Variants in METTL2A observed in about 807,000 individuals in gnomAD.
METTL2A encodes tRNA N(3)-cytidine methyltransferase METTL2A.
A neutral mutation model predicts 49.4 loss-of-function variants in METTL2A; 45 were observed. That is an observed-to-expected ratio of 0.91 (90% CI 0.72 to 1.17). The LOEUF is 1.17. Ranked by LOEUF, METTL2A falls within the 50% of genes most tolerant of loss-of-function variation. The probability of loss-of-function intolerance (pLI) is 0.00; values close to 1 mark genes in which losing one functional copy is unlikely to be tolerated. For missense variants in METTL2A, 361 were observed against 462.2 expected (o/e 0.78, Z 2.01); for synonymous variants, 118 against 167.5 (o/e 0.70, Z 2.28).
intron 3 of METTL2A, among the ~76,000 whole-genome samples, chr17:62,427,435 C>T (rs1420226276): frequency 2.6e-5 from 4 of 152,194 alleles, no homozygotes; most frequent in African/African-American, 9.7e-5. Context: ...CCTTTTCATA[C>T]ATTTTTCAGC....
chr17:62,425,921 A>C, intron 2 of METTL2A, among the ~76,000 whole-genome samples: 1 of 151,448 alleles, frequency 6.6e-6, no homozygotes, highest in African/African-American at 2.4e-5. Flanking sequence ...GAATGGCATG[A>C]ACCCGGGAGG....
At chr17:62,429,851 A>G (rs2070652942) in intron 4 of METTL2A, among the ~76,000 whole-genome samples, 1 of 152,070 alleles carries the variant, frequency 6.6e-6, no homozygotes. Context: ...TTGTATTTTT[A>G]GTAGAGATGG....
Position 62,426,457 on chromosome 17 carries a change from A to C in METTL2A, c.361A>C (p.Ser121Arg), listed in dbSNP as rs2070627474. ...GAAGGACTGGTTCTTGGAGAACAAGAGTGAAGTACCTGAATGTAGAAACAA... is the reference window on the plus strand; with the variant it reads ...GAAGGACTGGTTCTTGGAGAACAAGCGTGAAGTACCTGAATGTAGAAACAA... ...HLKDWFLENK[S>R]EVPECRNNED... is the part of the protein sequence containing the mutation. The change falls in exon 3 of 9, where the codon AGT (serine) becomes CGT (arginine). Residue 121 changes from serine (S) to arginine (R), a missense_variant. By Grantham distance (110) the Ser-to-Arg change is moderately radical. This residue lies in a region of METTL2A where 150 missense variants were observed against 170.1 expected (regional missense o/e 0.88). Coordinates refer to ENST00000311506, the MANE Select transcript of METTL2A (RefSeq NM_181725.4). 1 of 1,614,016 alleles carries C rather than the reference A, an allele frequency of 6.2e-7. No homozygotes were observed. The highest frequency in any genetic ancestry group is 1.3e-5 in the African/African-American group (1 of 74,920).
intron 7 of METTL2A, among the ~76,000 whole-genome samples, chr17:62,447,184 C>T (rs1364236745): frequency 6.6e-6 from 1 of 152,048 alleles, no homozygotes; most frequent in Admixed American, 6.6e-5. Flanking sequence ...TTTGGGAGGC[C>T]ACGGTGGGTG....
At chr17:62,448,272 C>T (rs2070781960) in intron 8 of METTL2A, among the ~76,000 whole-genome samples, 1 of 152,146 alleles carries the variant, frequency 6.6e-6, no homozygotes, top group Non-Finnish European at 1.5e-5. Flanking sequence ...AACCACTTTC[C>T]TAAAACAATT....
chr17:62,439,040 G>A (rs576647902), intron 5 of METTL2A, among the ~76,000 whole-genome samples: 2 of 146,292 alleles, frequency 1.4e-5, no homozygotes, highest in South Asian at 2.2e-4. Context: ...GTGCAGTGGC[G>A]TGATCTTGGC....
In METTL2A at chr17:62,449,080, T is replaced by G. The variant is rs1158468809; in HGVS notation, c.*351T>G. On this transcript the variant is annotated 3_prime_UTR_variant, in exon 9 of 9. Transcript: ENST00000311506. The stretch of plus-strand genomic sequence containing the variant: ...AACATAATTTTCTCAAGTTCTTTCT[T>G]TGAGATCTCAATCTGTCTTAGCATT... The G allele has an allele frequency of 4.4e-6, 1 of 227,374 alleles. No individual in the cohort carries two copies. Among genetic ancestry groups the G allele is most frequent in the Non-Finnish European group, 8.6e-6 (1 of 115,900 alleles). 14.1% of individuals were successfully genotyped at this position (227,374 alleles called of 1,614,324 possible).
intron 5 of METTL2A, among the ~76,000 whole-genome samples, chr17:62,438,667 T>TC (rs762709038): frequency 0.033 from 5,082 of 152,150 alleles, 294 homozygotes; most frequent in African/African-American, 0.11. Context: ...TTAGAATTAT[T>TC]ATTCAGTTAA....
intron 4 of METTL2A, among the ~76,000 whole-genome samples, chr17:62,429,104 C>G (rs1191329509): frequency 2.6e-5 from 4 of 151,888 alleles, no homozygotes; most frequent in Non-Finnish European, 5.9e-5. Flanking sequence ...TTTTATACAG[C>G]TAGGACACAG....
Position 62,452,068 on chromosome 17 carries a change from A to C in METTL2A, c.*3339A>C, listed in dbSNP as rs1320342417. ...GTGAGACTCCGTCTCAAAATAAAAA[A>C]CAAAAAAAATGTAAAAAATAAATAA... is the stretch of plus-strand genomic sequence containing the variant. On this transcript the variant is annotated 3_prime_UTR_variant, in exon 9 of 9. Transcript: ENST00000311506. 6.6e-6 allele frequency among the ~76,000 whole-genome samples: 1 copy of C among 152,244 alleles called. No individual in the cohort carries two copies. The highest frequency in any genetic ancestry group is 1.5e-5 in the Non-Finnish European group (1 of 68,046).
chr17:62,429,893 A>T (rs1049541018), intron 4 of METTL2A, among the ~76,000 whole-genome samples: 9 of 151,788 alleles, frequency 5.9e-5, no homozygotes, highest in Non-Finnish European at 1.0e-4. Context: ...CTGGTCTCGA[A>T]CTCCTGACCT....
chr17:62,438,536 C>T (rs535958975), intron 5 of METTL2A, among the ~76,000 whole-genome samples: 65 of 149,022 alleles, frequency 4.4e-4, no homozygotes, highest in Non-Finnish European at 6.9e-4. Context: ...GAGCCGAGAT[C>T]GCACCACTCC....
At chr17:62,431,653 T>C (rs1192533185) in intron 4 of METTL2A, among the ~76,000 whole-genome samples, 4 of 152,228 alleles carry the variant, frequency 2.6e-5, no homozygotes, top group African/African-American at 7.2e-5. Flanking sequence ...TTTCTTTTTA[T>C]ATATAGCAGC....
At chr17:62,429,729 G>A (rs1355062064) in intron 4 of METTL2A, among the ~76,000 whole-genome samples, 1 of 152,136 alleles carries the variant, frequency 6.6e-6, no homozygotes, top group Non-Finnish European at 1.5e-5. Flanking sequence ...GGAGTGCAGT[G>A]GCGTAATCTT....
intron 4 of METTL2A, among the ~76,000 whole-genome samples, chr17:62,434,307 T>C (rs920162821): frequency 4.6e-5 from 7 of 152,134 alleles, no homozygotes; most frequent in African/African-American, 1.7e-4. Context: ...TTCCCCAGGT[T>C]TTTAGTCTTG....
chr17:62,436,895 C>T (rs1483263535), intron 5 of METTL2A, among the ~76,000 whole-genome samples: 1 of 152,160 alleles, frequency 6.6e-6, no homozygotes, highest in African/African-American at 2.4e-5. Flanking sequence ...GCTGCTTTAT[C>T]AACTAAGTTT....
At chr17:62,424,597 A>G (rs965313838) in intron 2 of METTL2A, among the ~76,000 whole-genome samples, 3 of 152,156 alleles carry the variant, frequency 2.0e-5, no homozygotes, top group African/African-American at 7.2e-5. Context: ...CTAGCCAATG[A>G]CAACTGTGTG....
At chr17:62,441,727 G>C (rs976788137) in intron 6 of METTL2A, among the ~76,000 whole-genome samples, 49 of 148,786 alleles carry the variant, frequency 3.3e-4, no homozygotes, top group Admixed American at 2.0e-3. Context: ...TTACAGGCAT[G>C]AGCCACTATG....
intron 4 of METTL2A, among the ~76,000 whole-genome samples, chr17:62,434,398 G>A (rs1167962342): frequency 6.6e-6 from 1 of 152,086 alleles, no homozygotes; most frequent in Non-Finnish European, 1.5e-5. Context: ...GAGGCTGGAG[G>A]TATTGCATAC....
Sources: allele counts gnomAD v4.1 joint callset (sites outside exome capture counted in the v4.1 genomes callset), GRCh38; gene constraint gnomAD v4.1.1; regional missense constraint gnomAD v4.1.1; transcripts MANE v1.5; gene names NCBI Gene and HGNC (gene_info 2026-07-23, HGNC 2026-07-21).